The following RPSA2 variants were observed in gnomAD, a reference collection of about 807,000 sequenced individuals.
RPSA2 encodes ribosomal protein SA 2.
At chr19:23,844,531 G>A in the RPSA2 span, among the ~76,000 whole-genome samples, 1 of 151,960 alleles carries the variant, frequency 6.6e-6, no homozygotes, top group Admixed American at 6.6e-5. Flanking sequence ...TTTTTCAATG[G>A]GATTTCTTAC....
chr19:23,843,235 C>A, the RPSA2 span: 1 of 265,634 alleles, frequency 3.8e-6, no homozygotes, highest in South Asian at 4.0e-5. Flanking sequence ...TAAAAGAACC[C>A]TGGTATGTAA....
chr19:23,782,923 G>A, the RPSA2 span, among the ~76,000 whole-genome samples: 108 of 152,022 alleles, frequency 7.1e-4, 3 homozygotes, highest in East Asian at 0.021. Context: ...CATCCCCTCA[G>A]GGGTATTGTG....
chr19:23,822,364 G>A, the RPSA2 span, among the ~76,000 whole-genome samples: 1,690 of 152,304 alleles, frequency 0.011, 35 homozygotes, highest in African/African-American at 0.038. Context: ...AGAGCTGCCT[G>A]GGCTATCCTT....
chr19:23,790,781 T>C, the RPSA2 span: 1 of 518,844 alleles, frequency 1.9e-6, no homozygotes, highest in Non-Finnish European at 3.6e-6. Context: ...AATGGTGAGA[T>C]TGCCAGTTCC....
chr19:23,830,559 C>T, the RPSA2 span, among the ~76,000 whole-genome samples: 1 of 124,192 alleles, frequency 8.1e-6, no homozygotes, highest in South Asian at 3.1e-4. Flanking sequence ...GTTTGTTGTA[C>T]TTCTTTATTT....
the RPSA2 span, among the ~76,000 whole-genome samples, chr19:23,822,266 C>T: frequency 1.3e-5 from 2 of 152,168 alleles, no homozygotes; most frequent in Non-Finnish European, 2.9e-5. Context: ...CATTTGGGTC[C>T]CAGTTGGGAT....
At chr19:23,837,890 A>C in the RPSA2 span, among the ~76,000 whole-genome samples, 3 of 152,230 alleles carry the variant, frequency 2.0e-5, no homozygotes, top group East Asian at 5.8e-4. Context: ...TCATGTCATC[A>C]GCAAACAGGG....
chr19:23,777,666 G>A, the RPSA2 span, among the ~76,000 whole-genome samples: 17 of 152,192 alleles, frequency 1.1e-4, no homozygotes, highest in Non-Finnish European at 1.9e-4. Flanking sequence ...TTCCCACAGA[G>A]AAGATTGTGA....
At chr19:23,831,622 C>A in the RPSA2 span, 3 of 182,032 alleles carry the variant, frequency 1.6e-5, no homozygotes, top group African/African-American at 7.2e-5. Flanking sequence ...TTGCTTAAGA[C>A]CTCTGGCCAG....
chr19:23,762,764 C>CAAGTGCAT, the RPSA2 span, among the ~76,000 whole-genome samples: 4 of 151,988 alleles, frequency 2.6e-5, no homozygotes, highest in South Asian at 8.3e-4. Context: ...AGGAAAAGAG[C>CAAGTGCAT]AAGTGCATTT....
the RPSA2 span, among the ~76,000 whole-genome samples, chr19:23,836,466 C>T: frequency 6.6e-6 from 1 of 152,144 alleles, no homozygotes; most frequent in African/African-American, 2.4e-5. Context: ...GTGAATTGTG[C>T]TGCTAGAAAT....
chr19:23,866,862 C>T, the RPSA2 span, among the ~76,000 whole-genome samples: 3 of 152,282 alleles, frequency 2.0e-5, no homozygotes, highest in Non-Finnish European at 2.9e-5. Context: ...CAGCAGAATA[C>T]ATGGGACTAA....
the RPSA2 span, among the ~76,000 whole-genome samples, chr19:23,864,088 C>T: frequency 6.6e-6 from 1 of 152,148 alleles, no homozygotes. Context: ...TCTCTCATTC[C>T]AAGGCAGAGC....
At chr19:23,844,328 G>A in the RPSA2 span, among the ~76,000 whole-genome samples, 1 of 152,044 alleles carries the variant, frequency 6.6e-6, no homozygotes, top group Non-Finnish European at 1.5e-5. Flanking sequence ...GTTTGCTATT[G>A]TGAGCATGCT....
the RPSA2 span, among the ~76,000 whole-genome samples, chr19:23,830,283 T>C: frequency 1.3e-5 from 2 of 152,194 alleles, no homozygotes; most frequent in Non-Finnish European, 1.5e-5. Context: ...TAGCTGGTAT[T>C]ACAGGCATGT....
At chr19:23,857,498 TTTTTTTTTTG>T in the RPSA2 span, among the ~76,000 whole-genome samples, 2 of 116,456 alleles carry the variant, frequency 1.7e-5, no homozygotes, top group Non-Finnish European at 3.8e-5. Context: ...TTTTTTTTTT[TTTTTTTTTTG>T]AGATGGAGTT....
the RPSA2 span, among the ~76,000 whole-genome samples, chr19:23,855,044 C>G: frequency 6.6e-6 from 1 of 151,968 alleles, no homozygotes; most frequent in Non-Finnish European, 1.5e-5. Context: ...TTCATTGTGA[C>G]TCTATTTAAC....
the RPSA2 span, among the ~76,000 whole-genome samples, chr19:23,815,332 T>C: frequency 6.6e-6 from 1 of 152,304 alleles, no homozygotes; most frequent in African/African-American, 2.4e-5. Flanking sequence ...ATCCTTAATG[T>C]TGGATGTGAG....
At chr19:23,822,056 A>G in the RPSA2 span, among the ~76,000 whole-genome samples, 1 of 152,068 alleles carries the variant, frequency 6.6e-6, no homozygotes, top group African/African-American at 2.4e-5. Context: ...CCATGCACTG[A>G]TTTTCAGCAG....
Sources: gnomAD v4.1 joint callset for allele counts (sites outside exome capture counted in the v4.1 genomes callset) on GRCh38, gnomAD v4.1.1 for gene constraint, MANE v1.5 for transcripts, NCBI Gene and HGNC (gene_info 2026-07-23, HGNC 2026-07-21) for gene names.